Variants in SCHIP1 observed in about 807,000 individuals in gnomAD.
SCHIP1 encodes the protein schwannomin-interacting protein 1.
A neutral mutation model predicts 29.7 loss-of-function variants in SCHIP1; 8 were observed. The observed-to-expected ratio is 0.27, with a 90% CI of 0.16 to 0.49. The LOEUF (loss-of-function observed/expected upper bound fraction) is 0.49. Ranked by LOEUF, SCHIP1 falls within the 20% of genes least tolerant of loss-of-function variation. The probability of loss-of-function intolerance (pLI) is 0.99; values close to 1 mark genes in which losing one functional copy is unlikely to be tolerated. For synonymous variants in SCHIP1, 76 were observed against 94.9 expected (o/e 0.80, Z 1.16); for missense variants, 193 against 294.6 (o/e 0.66, Z 2.52).
chr3:159,422,479 G>T, the SCHIP1 span, among the ~76,000 whole-genome samples: 1 of 152,082 alleles, frequency 6.6e-6, no homozygotes, highest in African/African-American at 2.4e-5. Context: ...GACATTTGTT[G>T]TTTAAAAAGT....
At chr3:159,633,145 G>C in the SCHIP1 span, among the ~76,000 whole-genome samples, 1 of 152,122 alleles carries the variant, frequency 6.6e-6, no homozygotes, top group Non-Finnish European at 1.5e-5. Flanking sequence ...TTTCAGAATT[G>C]AACTAAGGGT....
At chr3:159,795,528 G>C in the SCHIP1 span, among the ~76,000 whole-genome samples, 1 of 152,188 alleles carries the variant, frequency 6.6e-6, no homozygotes, top group Non-Finnish European at 1.5e-5. Context: ...CCAGTAAGGG[G>C]TCAGAGCTGG....
At chr3:159,725,259 CTTTTCTT>C in the SCHIP1 span, among the ~76,000 whole-genome samples, 2 of 148,006 alleles carry the variant, frequency 1.4e-5, no homozygotes, top group Non-Finnish European at 3.0e-5. Flanking sequence ...TCCACTTTTT[CTTTTCTT>C]TTTTCTTTTT....
chr3:159,306,301 A>ATTTAATAATGCTTATG, the SCHIP1 span, among the ~76,000 whole-genome samples: 1 of 93,626 alleles, frequency 1.1e-5, no homozygotes, highest in Non-Finnish European at 2.9e-5. Flanking sequence ...CATGAGGAGT[A>ATTTAATAATGCTTATG]TTTAATAATG....
At chr3:159,276,908 G>A in the SCHIP1 span, among the ~76,000 whole-genome samples, 1 of 152,178 alleles carries the variant, frequency 6.6e-6, no homozygotes, top group Non-Finnish European at 1.5e-5. Context: ...GACGAAGTCA[G>A]CCCACTTCCA....
In SCHIP1 at chr3:159,881,826, T is replaced by G. The variant is rs1221592585; in HGVS notation, c.150-4381T>G. 2.6e-5 allele frequency among the ~76,000 whole-genome samples: 4 copies of G among 152,346 alleles called. No individual in the cohort carries two copies. In the South Asian group the frequency reaches 6.2e-4, roughly 24 times the overall value. On this transcript the variant is annotated intron_variant, in intron 2 of 6. Coordinates refer to ENST00000445224, the Ensembl canonical transcript of SCHIP1. The stretch of plus-strand genomic sequence containing the variant: ...GGATCCTATAGGTCAGCTGGGTGGT[T>G]CTGTTCTGAGCTGGGCTTGGACAGG...
the SCHIP1 span, among the ~76,000 whole-genome samples, chr3:159,404,694 C>G: frequency 6.6e-6 from 1 of 152,200 alleles, no homozygotes; most frequent in African/African-American, 2.4e-5. Context: ...GGAACCCACC[C>G]AGGACTAGCA....
the SCHIP1 span, among the ~76,000 whole-genome samples, chr3:159,373,691 AGC>A: frequency 6.6e-6 from 1 of 152,080 alleles, no homozygotes; most frequent in Admixed American, 6.6e-5. Context: ...TATTTCACTT[AGC>A]AGAATGTTCT....
At chr3:159,453,871 G>A in the SCHIP1 span, among the ~76,000 whole-genome samples, 2 of 152,090 alleles carry the variant, frequency 1.3e-5, no homozygotes, top group Non-Finnish European at 2.9e-5. Context: ...CCCACTGAAC[G>A]CTAATACAGC....
the SCHIP1 span, among the ~76,000 whole-genome samples, chr3:159,363,133 T>C: frequency 2.0e-5 from 3 of 152,202 alleles, no homozygotes; most frequent in African/African-American, 7.2e-5. Flanking sequence ...TAGTTGGAGA[T>C]GACCAAGGTC....
the SCHIP1 span, among the ~76,000 whole-genome samples, chr3:159,775,453 A>T: frequency 1.3e-5 from 2 of 152,176 alleles, no homozygotes; most frequent in East Asian, 3.8e-4. Flanking sequence ...TGATTGGGTC[A>T]TGCTGTTGCC....
At chr3:159,415,248 T>C in the SCHIP1 span, among the ~76,000 whole-genome samples, 1 of 152,310 alleles carries the variant, frequency 6.6e-6, no homozygotes, top group Non-Finnish European at 1.5e-5. Context: ...CAACTGAGTG[T>C]CTGTATTATT....
the SCHIP1 span, among the ~76,000 whole-genome samples, chr3:159,322,154 A>G: frequency 0.013 from 1,918 of 152,072 alleles, 20 homozygotes; most frequent in South Asian, 0.039. Context: ...AGCTAAGTCC[A>G]GTTTCCTAAC....
chr3:159,548,249 A>G, the SCHIP1 span, among the ~76,000 whole-genome samples: 1 of 152,018 alleles, frequency 6.6e-6, no homozygotes, highest in South Asian at 2.1e-4. Context: ...TTTTATTTAC[A>G]TATTTATTTA....
the SCHIP1 span, among the ~76,000 whole-genome samples, chr3:159,556,447 T>G: frequency 6.6e-6 from 1 of 152,144 alleles, no homozygotes; most frequent in Non-Finnish European, 1.5e-5. Context: ...TAAATCATGC[T>G]GCTATAAAGA....
chr3:159,414,436 T>G, the SCHIP1 span, among the ~76,000 whole-genome samples: 1 of 150,806 alleles, frequency 6.6e-6, no homozygotes, highest in Non-Finnish European at 1.5e-5. Flanking sequence ...GTTATTTGAG[T>G]CCGAAGCCAC....
the SCHIP1 span, among the ~76,000 whole-genome samples, chr3:159,367,944 G>C: frequency 6.6e-6 from 1 of 152,064 alleles, no homozygotes; most frequent in Non-Finnish European, 1.5e-5. Flanking sequence ...GTATTAACTT[G>C]TTCATAAGAT....
chr3:159,652,258 T>C, the SCHIP1 span, among the ~76,000 whole-genome samples: 4 of 152,244 alleles, frequency 2.6e-5, no homozygotes, highest in African/African-American at 9.6e-5. Context: ...GGAAAAATTA[T>C]ATTTTTTATC....
chr3:159,675,411 CTA>C, the SCHIP1 span, among the ~76,000 whole-genome samples: 1 of 152,210 alleles, frequency 6.6e-6, no homozygotes, highest in East Asian at 1.9e-4. Flanking sequence ...CCATCCCCAA[CTA>C]TGTATGATGA....
Sources: gnomAD v4.1 joint callset for allele counts (sites outside exome capture counted in the v4.1 genomes callset) on GRCh38, gnomAD v4.1.1 for gene constraint, MANE v1.5 for transcripts, NCBI Gene and HGNC (gene_info 2026-07-23, HGNC 2026-07-21) for gene names.